The following PLCG2 variants were observed in gnomAD, a reference collection of about 807,000 sequenced individuals.
PLCG2 encodes the protein 1-phosphatidylinositol 4,5-bisphosphate phosphodiesterase gamma-2.
PLCG2 carries 69 observed loss-of-function variants against 175.6 expected under a neutral mutation model. That is an observed-to-expected ratio of 0.39 (90% CI 0.32 to 0.48). The LOEUF is 0.48. PLCG2 is among the 20% of genes least tolerant of loss of function. The pLI, the probability that PLCG2 is intolerant of heterozygous loss-of-function variation, is 0.91. For synonymous variants in PLCG2, 827 were observed against 624.0 expected, an observed-to-expected ratio of 1.33 and a Z score of -4.85; for missense variants, 1,798 against 1,650.9, an observed-to-expected ratio of 1.09 and a Z score of -1.54.
chr16:81,936,227 C>G lies in PLCG2; in HGVS notation c.2901C>G (p.Ile967Met). 3 of 1,614,182 alleles carry G rather than the reference C, an allele frequency of 1.9e-6. No individual in the cohort carries two copies. Among genetic ancestry groups the G allele is most frequent in the South Asian group, 1.1e-5 (1 of 91,068 alleles). Reference sequence around the variant, plus strand: ...TGGAGACGAAGGCTGACAGCATCATCAGACAGAAGCCCGTCGACCTCCTGA... The same window carrying G: ...TGGAGACGAAGGCTGACAGCATCATGAGACAGAAGCCCGTCGACCTCCTGA... ...SFVETKADSI[I>M]RQKPVDLLKY... is the part of the protein sequence containing the mutation. Residue 967 changes from isoleucine to methionine, a missense_variant, in exon 27 of 33, where the codon ATC becomes ATG. By Grantham distance (10) the Ile-to-Met change is conservative (BLOSUM62 1). Coordinates refer to ENST00000564138, the MANE Select transcript of PLCG2 (RefSeq NM_002661.5).
In PLCG2 at chr16:81,961,340, A is replaced by G. The variant is rs1193150623; in HGVS notation, c.*3342A>G. On this transcript the variant is annotated 3_prime_UTR_variant, in exon 33 of 33. Transcript: ENST00000564138. ...GTTATCAATCTACATAGATGAAATA[A>G]TTGTGGAGAAAAGCCCTCTTTATCT... 4.0e-5 allele frequency: 9 copies of G among 225,478 alleles called. No homozygotes were observed. In the East Asian group the frequency reaches 5.8e-4, roughly 15 times the overall value. 14.0% of individuals were successfully genotyped at this position (225,478 alleles called of 1,614,324 possible).
chr16:81,789,894 C>T (rs1567465321), intron 2 of PLCG2, among the ~76,000 whole-genome samples: 1 of 149,806 alleles, frequency 6.7e-6, no homozygotes, highest in Non-Finnish European at 1.5e-5. Flanking sequence ...ACTGTAGGCG[C>T]CGCCCTAGGC....
chr16:81,826,900 TTGGTTTATCCCTGC>T (rs1905070240), intron 2 of PLCG2, among the ~76,000 whole-genome samples: 2 of 152,226 alleles, frequency 1.3e-5, no homozygotes, highest in African/African-American at 4.8e-5. Flanking sequence ...ATTTGAGGTC[TTGGTTTATCCCTGC>T]TGGAGATCCG....
intron 2 of PLCG2, among the ~76,000 whole-genome samples, chr16:81,843,464 G>C (rs1186923325): frequency 6.6e-6 from 1 of 152,158 alleles, no homozygotes; most frequent in Non-Finnish European, 1.5e-5. Context: ...AGAGACAAGC[G>C]CTGATGCATT....
intron 2 of PLCG2, among the ~76,000 whole-genome samples, chr16:81,812,577 A>C (rs1313936625): frequency 6.6e-6 from 1 of 152,086 alleles, no homozygotes; most frequent in African/African-American, 2.4e-5. Context: ...TAGATTCTGG[A>C]TATTAGCCAT....
intron 2 of PLCG2, among the ~76,000 whole-genome samples, chr16:81,794,159 C>T (rs1290772321): frequency 2.0e-5 from 3 of 152,008 alleles, no homozygotes; most frequent in African/African-American, 7.3e-5. Context: ...TGGGGAGATG[C>T]TAGGAAAAGA....
At chr16:81,945,247 G>A (rs1176016595) in intron 30 of PLCG2, among the ~76,000 whole-genome samples, 2 of 152,182 alleles carry the variant, frequency 1.3e-5, no homozygotes, top group East Asian at 3.8e-4. Flanking sequence ...ATGGTGGAAG[G>A]CACAGAGGAA....
At chr16:81,850,148 A>G (rs952588076) in intron 2 of PLCG2, among the ~76,000 whole-genome samples, 14 of 152,254 alleles carry the variant, frequency 9.2e-5, no homozygotes, top group African/African-American at 3.1e-4. Flanking sequence ...CTTCAAGTCT[A>G]CTGTAAAAAG....
At chr16:81,767,136 G>GTT (rs66799783) in intron 2 of PLCG2, among the ~76,000 whole-genome samples, 1,090 of 71,764 alleles carry the variant, frequency 0.015, 130 homozygotes, top group African/African-American at 0.041. Flanking sequence ...TAAACTCGTG[G>GTT]TTTTTTTTTT....
At chr16:81,787,882 C>G (rs1040000689) in intron 2 of PLCG2, among the ~76,000 whole-genome samples, 5 of 152,144 alleles carry the variant, frequency 3.3e-5, no homozygotes, top group African/African-American at 1.2e-4. Flanking sequence ...GGTTCATCCA[C>G]TTTGTTGCGT....
intron 5 of PLCG2, among the ~76,000 whole-genome samples, chr16:81,861,010 C>T (rs1906952602): frequency 6.6e-6 from 1 of 151,802 alleles, no homozygotes; most frequent in Non-Finnish European, 1.5e-5. Flanking sequence ...AAACAAAAAA[C>T]AACAAAAAAA....
At chr16:81,908,288 G>A (rs1909465789) in intron 16 of PLCG2, 128 bp from the exon 17 acceptor site, 1 of 799,956 alleles carries the variant, frequency 1.3e-6, no homozygotes, top group Non-Finnish European at 2.0e-6. Flanking sequence ...CTTCGGGTGG[G>A]GACCAGCTGA....
chr16:81,945,129 T>G (rs149454268), intron 30 of PLCG2, among the ~76,000 whole-genome samples: 1 of 152,222 alleles, frequency 6.6e-6, no homozygotes, highest in South Asian at 2.1e-4. Flanking sequence ...GAATGTGACC[T>G]TCCTCTTCAT....
chr16:81,792,568 A>C (rs936750859), intron 2 of PLCG2, among the ~76,000 whole-genome samples: 1 of 151,946 alleles, frequency 6.6e-6, no homozygotes, highest in African/African-American at 2.4e-5. Context: ...TTTATAAAGG[A>C]AAGAGGTTTA....
Position 81,962,052 on chromosome 16 carries a change from G to T in PLCG2, c.*4054G>T. 1 of 189,596 alleles carries T rather than the reference G, an allele frequency of 5.3e-6. No individual in the cohort carries two copies. 11.7% of individuals were successfully genotyped at this position (189,596 alleles called of 1,614,324 possible). A position where few individuals can be genotyped will look rare whatever the true frequency, so the allele number is the denominator to read the frequency against. Reference sequence around the variant, plus strand: ...CCGCTCCATGTGCGTCCCTCCCGAAGCTGCGCGCTCCGTCGAAGAGGACGA... The same window carrying T: ...CCGCTCCATGTGCGTCCCTCCCGAATCTGCGCGCTCCGTCGAAGAGGACGA... On this transcript the variant is annotated 3_prime_UTR_variant, in exon 33 of 33. Coordinates refer to ENST00000564138, the MANE Select transcript of PLCG2 (RefSeq NM_002661.5).
At chr16:81,894,831 C>A (rs1421814352) in intron 12 of PLCG2, among the ~76,000 whole-genome samples, 1 of 151,794 alleles carries the variant, frequency 6.6e-6, no homozygotes, top group Non-Finnish European at 1.5e-5. Flanking sequence ...TGAGATCGCG[C>A]CGCTGCACGC....
intron 2 of PLCG2, among the ~76,000 whole-genome samples, chr16:81,758,797 C>A (rs1909982026): frequency 6.6e-6 from 1 of 152,044 alleles, no homozygotes; most frequent in Non-Finnish European, 1.5e-5. Flanking sequence ...CCTGCCTCAG[C>A]CTCCCGAGTA....
At chr16:81,895,659 G>C (rs772974309) in intron 12 of PLCG2, 148 bp from the exon 13 acceptor site, 6 of 792,196 alleles carry the variant, frequency 7.6e-6, no homozygotes, top group African/African-American at 6.8e-5. Flanking sequence ...TGCGGATACA[G>C]GGAAAGCCAT....
chr16:81,868,431 CTT>C (rs886910047), intron 5 of PLCG2, among the ~76,000 whole-genome samples: 3 of 152,208 alleles, frequency 2.0e-5, no homozygotes, highest in African/African-American at 7.2e-5. Flanking sequence ...CCTCTTGTCT[CTT>C]CACAGTGTCA....
Sources: allele counts gnomAD v4.1 joint callset (sites outside exome capture counted in the v4.1 genomes callset), GRCh38; gene constraint gnomAD v4.1.1; transcripts MANE v1.5; gene names NCBI Gene and HGNC (gene_info 2026-07-23, HGNC 2026-07-21).